Variants in TMT1A observed in about 807,000 individuals in gnomAD.
TMT1A encodes the protein thiol methyltransferase 1A, also known as thiol S-methyltransferase TMT1A.
At chr12:50,928,476 A>G in the TMT1A span, among the ~76,000 whole-genome samples, 1 of 152,146 alleles carries the variant, frequency 6.6e-6, no homozygotes, top group African/African-American at 2.4e-5. Context: ...CCTGTTTGTA[A>G]AGGCATGAAT....
chr12:50,927,425 AGAG>A, the TMT1A span, among the ~76,000 whole-genome samples: 3 of 152,340 alleles, frequency 2.0e-5, no homozygotes, highest in East Asian at 3.9e-4. Flanking sequence ...GCTCAATATC[AGAG>A]TAGTAAATAA....
chr12:50,929,916 A>G, the TMT1A span: 1 of 1,584,502 alleles, frequency 6.3e-7, no homozygotes, highest in South Asian at 1.1e-5. Context: ...TTTCTCAGGG[A>G]GGGGCTTTCT....
the TMT1A span, chr12:50,925,224 G>A: frequency 6.2e-7 from 1 of 1,614,214 alleles, no homozygotes; most frequent in Non-Finnish European, 8.5e-7. Flanking sequence ...TCAGTAACCT[G>A]CAGGAGTTTG....
At chr12:50,930,428 C>T in the TMT1A span, 40 of 244,968 alleles carry the variant, frequency 1.6e-4, no homozygotes, top group African/African-American at 8.4e-4. Flanking sequence ...TACAGGTGCC[C>T]ACCACCATGC....
At chr12:50,925,695 AAGAG>A in the TMT1A span, among the ~76,000 whole-genome samples, 1 of 152,170 alleles carries the variant, frequency 6.6e-6, no homozygotes, top group Non-Finnish European at 1.5e-5. Flanking sequence ...AGAAGCTATA[AAGAG>A]AAAGATTGAT....
chr12:50,932,116 T>C, the TMT1A span: 2 of 152,248 alleles, frequency 1.3e-5, no homozygotes, highest in Non-Finnish European at 2.9e-5. Flanking sequence ...GGGTTCATTT[T>C]CCTTAATACT....
the TMT1A span, chr12:50,931,711 CAAAAAAAAAAAAAAA>C: frequency 4.6e-5 from 2 of 43,380 alleles, no homozygotes; most frequent in African/African-American, 1.6e-4. Context: ...GACTCCGTCT[CAAAAAAAAAAAAAAA>C]AAAAAAAAGA....
the TMT1A span, among the ~76,000 whole-genome samples, chr12:50,929,161 G>A: frequency 1.3e-5 from 2 of 152,188 alleles, no homozygotes; most frequent in Non-Finnish European, 1.5e-5. Context: ...CTTGAGCCCA[G>A]GAGGCAGAGG....
chr12:50,925,540 A>G, the TMT1A span: 2 of 1,611,246 alleles, frequency 1.2e-6, no homozygotes, highest in East Asian at 4.5e-5. Flanking sequence ...GAGACCGGTG[A>G]GTGAAAGGGT....
the TMT1A span, chr12:50,930,331 G>A: frequency 1.9e-6 from 1 of 540,014 alleles, no homozygotes; most frequent in Non-Finnish European, 3.2e-6. Flanking sequence ...CCAGGCTGGA[G>A]TGCAATGACG....
the TMT1A span, chr12:50,925,295 A>T: frequency 6.2e-7 from 1 of 1,614,206 alleles, no homozygotes; most frequent in Non-Finnish European, 8.5e-7. Context: ...GCCAACTTCA[A>T]GTTCTACCCA....
the TMT1A span, chr12:50,930,427 C>G: frequency 1.6e-4 from 39 of 246,358 alleles, no homozygotes; most frequent in Admixed American, 5.7e-4. Flanking sequence ...TTACAGGTGC[C>G]CACCACCATG....
At chr12:50,929,888 TG>T in the TMT1A span, 20 of 1,508,448 alleles carry the variant, frequency 1.3e-5, no homozygotes, top group Non-Finnish European at 1.7e-5. Flanking sequence ...ATCCTTGAAA[TG>T]TTTTTTTTTT....
the TMT1A span, among the ~76,000 whole-genome samples, chr12:50,927,318 T>C: frequency 1.1e-4 from 16 of 152,256 alleles, no homozygotes; most frequent in Admixed American, 7.2e-4. Flanking sequence ...TGAGCCACCA[T>C]GCCCAACCAT....
At chr12:50,928,217 G>A in the TMT1A span, among the ~76,000 whole-genome samples, 1 of 152,140 alleles carries the variant, frequency 6.6e-6, no homozygotes, top group Non-Finnish European at 1.5e-5. Flanking sequence ...CACTCTTGCT[G>A]GCTCTTCTTC....
chr12:50,926,507 T>A, the TMT1A span, among the ~76,000 whole-genome samples: 66,637 of 152,046 alleles, frequency 0.44, 15,160 homozygotes, highest in African/African-American at 0.54. Context: ...AATTTGTAAT[T>A]GCACAAACTG....
the TMT1A span, chr12:50,929,977 C>T: frequency 1.9e-6 from 3 of 1,613,966 alleles, no homozygotes; most frequent in Non-Finnish European, 2.5e-6. Context: ...TTACTTCTGG[C>T]AACAAGTCCT....
the TMT1A span, chr12:50,925,596 C>T: frequency 6.6e-7 from 1 of 1,525,824 alleles, no homozygotes. Flanking sequence ...GAGGGCAGGC[C>T]TGTCAATTTC....
the TMT1A span, among the ~76,000 whole-genome samples, chr12:50,928,284 C>T: frequency 3.3e-5 from 5 of 152,272 alleles, no homozygotes; most frequent in African/African-American, 1.2e-4. Context: ...ATTTTTGCTC[C>T]TTAGCTCAGC....
Sources: allele counts gnomAD v4.1 joint callset (sites outside exome capture counted in the v4.1 genomes callset), GRCh38; gene constraint gnomAD v4.1.1; transcripts MANE v1.5; gene names NCBI Gene and HGNC (gene_info 2026-07-23, HGNC 2026-07-21).